Variants in ESR2 observed in about 807,000 individuals in gnomAD.
The protein encoded by ESR2 is estrogen receptor 2, also known as estrogen receptor beta.
ESR2 carries 36 observed loss-of-function variants against 49.6 expected under a neutral mutation model. That is an observed-to-expected ratio of 0.73 (90% CI 0.56 to 0.96). The LOEUF (loss-of-function observed/expected upper bound fraction) is 0.96. Ranked by LOEUF, ESR2 falls within the 40% of genes least tolerant of loss-of-function variation. The pLI, the probability that ESR2 is intolerant of heterozygous loss-of-function variation, is 0.00. For missense variants in ESR2, 714 were observed against 693.0 expected, an observed-to-expected ratio of 1.03 and a Z score of -0.34; for synonymous variants, 320 against 266.1, an observed-to-expected ratio of 1.20 and a Z score of -1.97.
At chr14:64,306,715 C>T (rs965163641) in intron 1 of ESR2, among the ~76,000 whole-genome samples, 2 of 152,106 alleles carry the variant, frequency 1.3e-5, no homozygotes, top group African/African-American at 4.8e-5. Context: ...CACCTGTGTT[C>T]CTGAAGACTA....
downstream of ESR2, chr14:64,227,637 G>C: frequency 6.2e-7 from 1 of 1,613,534 alleles, no homozygotes. Flanking sequence ...TGCGGGACAA[G>C]TCAAAGTTGC....
At chr14:64,245,705 C>T (rs767868079) in intron 7 of ESR2, among the ~76,000 whole-genome samples, 14 of 152,060 alleles carry the variant, frequency 9.2e-5, no homozygotes, top group Non-Finnish European at 1.8e-4. Flanking sequence ...ACAGATGCTG[C>T]GTCTAGCTTT....
chr14:64,296,839 AG>A (rs1171058606), upstream of ESR2, among the ~76,000 whole-genome samples: 1 of 152,196 alleles, frequency 6.6e-6, no homozygotes, highest in African/African-American at 2.4e-5. Context: ...AATGAATGGG[AG>A]TGAGTAAGTT....
At chr14:64,322,861 C>T (rs1322206351) in intron 1 of ESR2, among the ~76,000 whole-genome samples, 1 of 151,806 alleles carries the variant, frequency 6.6e-6, no homozygotes, top group Admixed American at 6.6e-5. Context: ...TTTGTAGTGA[C>T]CAAAAGAAGG....
intron 1 of ESR2, among the ~76,000 whole-genome samples, chr14:64,317,617 A>G (rs989300433): frequency 3.3e-5 from 5 of 152,150 alleles, no homozygotes; most frequent in African/African-American, 1.2e-4. Context: ...CACTTCCAAC[A>G]ATGGAGATTA....
chr14:64,334,544 T>G (rs1018791916), intron 1 of ESR2, among the ~76,000 whole-genome samples: 1 of 152,202 alleles, frequency 6.6e-6, no homozygotes, highest in Non-Finnish European at 1.5e-5. Context: ...TACCTCCACA[T>G]TGGCCATATT....
intron 5 of ESR2, among the ~76,000 whole-genome samples, chr14:64,257,756 T>G (rs1446390000): frequency 1.6e-5 from 2 of 124,190 alleles, no homozygotes; most frequent in Admixed American, 8.7e-5. Flanking sequence ...GGGGATGGGG[T>G]AGGTGGGGGA....
In ESR2 at chr14:64,283,116, AG is replaced by A. The variant is rs560452675; in HGVS notation, c.-90-42del. ...GAAGATATTGCCAAGTTAGAGCTAC[AG>A]CTGTTAACTATGAAAATTTAAATAT... On this transcript the variant is annotated intron_variant, in intron 1 of 8. Coordinates refer to ENST00000341099, the MANE Select transcript of ESR2 (RefSeq NM_001437.3). 4,367 of 803,074 alleles carry A rather than the reference AG, an allele frequency of 5.4e-3. 20 individuals are homozygous for A. Among genetic ancestry groups the A allele is most frequent in the Admixed American group, 9.7e-3 (366 of 37,824 alleles). 49.7% of individuals were successfully genotyped at this position (803,074 alleles called of 1,614,324 possible). A position where few individuals can be genotyped will look rare whatever the true frequency, so the allele number is the denominator to read the frequency against.
chr14:64,234,734 A>C, intron 8 of ESR2: 1 of 895,188 alleles, frequency 1.1e-6, no homozygotes, highest in East Asian at 2.7e-5. Context: ...GCAATTGAAA[A>C]ACCCATGAGC....
intron 1 of ESR2, among the ~76,000 whole-genome samples, chr14:64,306,343 C>A (rs1021404109): frequency 1.3e-5 from 2 of 152,210 alleles, no homozygotes; most frequent in Non-Finnish European, 2.9e-5. Context: ...CTACTCCACT[C>A]CGTCCTGTCC....
intron 3 of ESR2, among the ~76,000 whole-genome samples, chr14:64,273,245 T>C (rs975748273): frequency 1.3e-5 from 2 of 152,198 alleles, no homozygotes; most frequent in Non-Finnish European, 2.9e-5. Context: ...TTTCCAAATA[T>C]AAGATCATCA....
At chr14:64,335,972 T>TG (rs2077525484) in intron 1 of ESR2, 6 of 106,934 alleles carry the variant, frequency 5.6e-5, no homozygotes, top group South Asian at 3.6e-4. Context: ...GCCCAGCTAA[T>TG]TTGTGTGTGT....
chr14:64,313,976 A>G (rs180675304), intron 1 of ESR2, among the ~76,000 whole-genome samples: 1 of 152,312 alleles, frequency 6.6e-6, no homozygotes, highest in Admixed American at 6.5e-5. Flanking sequence ...AATGAGATAG[A>G]TAATCAGCAC....
chr14:64,262,373 T>A (rs1804546800), intron 4 of ESR2, among the ~76,000 whole-genome samples: 1 of 152,040 alleles, frequency 6.6e-6, no homozygotes, highest in African/African-American at 2.4e-5. Context: ...CCTTGGCCTC[T>A]GAAAGTGCTG....
chr14:64,288,986 C>CAAA (rs35178946), intron 1 of ESR2, among the ~76,000 whole-genome samples: 1 of 55,642 alleles, frequency 1.8e-5, no homozygotes, highest in Non-Finnish European at 4.2e-5. Context: ...AACTCTGTCT[C>CAAA]AAAAAAAAAA....
chr14:64,306,440 G>A (rs1378139727), intron 1 of ESR2, among the ~76,000 whole-genome samples: 3 of 152,146 alleles, frequency 2.0e-5, no homozygotes, highest in Non-Finnish European at 4.4e-5. Flanking sequence ...CAAGGACTTG[G>A]AAACCAGAAA....
chr14:64,250,685 G>T (rs2075968834), intron 6 of ESR2, among the ~76,000 whole-genome samples: 1 of 152,188 alleles, frequency 6.6e-6, no homozygotes, highest in African/African-American at 2.4e-5. Context: ...GGGGCCTTGA[G>T]GTCTTCAAAG....
In ESR2 at chr14:64,253,681, G is replaced by T. The variant is rs377394770; in HGVS notation, c.1091+3545C>A. Among the ~76,000 whole-genome samples the T allele has an allele frequency of 1.5e-4, 23 of 151,942 alleles. No individual in the cohort carries two copies. In the East Asian group the frequency reaches 1.5e-3, roughly 10 times the overall value. ...TGGGTACAGACCATGGTTTACCTCT[G>T]TGTGTATGGCAATGGCAGGGAGTGT... On this transcript the variant is annotated intron_variant, in intron 6 of 8. Transcript: ENST00000341099.
chr14:64,271,287 A>G (rs1158098324), intron 3 of ESR2, among the ~76,000 whole-genome samples: 6 of 151,662 alleles, frequency 4.0e-5, no homozygotes, highest in Non-Finnish European at 8.8e-5. Context: ...GCCTCTGGCA[A>G]CCAACCTGCT....
Sources: gnomAD v4.1 joint callset for allele counts (sites outside exome capture counted in the v4.1 genomes callset) on GRCh38, gnomAD v4.1.1 for gene constraint, MANE v1.5 for transcripts, NCBI Gene and HGNC (gene_info 2026-07-23, HGNC 2026-07-21) for gene names.